CCDC33: variants seen among roughly 807,000 people sequenced by gnomAD.
CCDC33 encodes coiled-coil domain containing 33.
A neutral mutation model predicts 91.9 loss-of-function variants in CCDC33; 94 were observed. The ratio of observed to expected loss-of-function variants is 1.02; its 90% CI spans 0.87 to 1.21. CCDC33 has a LOEUF of 1.21. Among genes scored for constraint, CCDC33 ranks in the 50% most tolerant of loss-of-function variants. The pLI is 0.00. For missense variants in CCDC33, 940 were observed against 935.5 expected, an observed-to-expected ratio of 1.00 and a Z score of -0.06; for synonymous variants, 396 against 374.5, an observed-to-expected ratio of 1.06 and a Z score of -0.66.
intron 15 of CCDC33, among the ~76,000 whole-genome samples, chr15:74,331,543 C>T (rs2060439348): frequency 6.6e-6 from 1 of 152,162 alleles, no homozygotes; most frequent in African/African-American, 2.4e-5. Context: ...GCAGTGTGAG[C>T]CAGGCTAGAA....
chr15:74,214,381 C>T (rs2074394709), upstream of CCDC33, among the ~76,000 whole-genome samples: 1 of 152,114 alleles, frequency 6.6e-6, no homozygotes, highest in Non-Finnish European at 1.5e-5. Context: ...AGCCCACATC[C>T]CTTACCCCTT....
chr15:74,314,005 TGC>T (rs2060043293), intron 11 of CCDC33, among the ~76,000 whole-genome samples: 2 of 152,194 alleles, frequency 1.3e-5, no homozygotes, highest in African/African-American at 4.8e-5. Context: ...TGTTCCAGGC[TGC>T]TGCTCACCTC....
At position 74,315,254 on chromosome 15, in the gene CCDC33, C is replaced by A. The variant is rs187784367; in HGVS notation, c.1291-14935C>A. ...AGCAGCTAAGCATGGCTATCAACATCCTGCGTGCCCCACCCTGAGTTCAGC... is the reference window on the plus strand; with the variant it reads ...AGCAGCTAAGCATGGCTATCAACATACTGCGTGCCCCACCCTGAGTTCAGC... On this transcript the variant is annotated intron_variant, in intron 11 of 18. Transcript: ENST00000398814. Among the ~76,000 whole-genome samples, 3 of 152,306 alleles carry A rather than the reference C, an allele frequency of 2.0e-5. No homozygotes were observed. In the East Asian group the frequency reaches 5.8e-4, roughly 29 times the overall value.
chr15:74,272,789 G>T lies in CCDC33; in HGVS notation c.657G>T (p.Arg219Ser), dbSNP rs758852202. 3.1e-6 allele frequency: 5 copies of T among 1,614,020 alleles called. No homozygotes were observed. In the South Asian group the frequency reaches 3.3e-5, roughly 11 times the overall value. The change falls in exon 7 of 19, where the codon AGG (arginine) becomes AGT (serine). Residue 219 changes from arginine (R) to serine (S), a missense_variant. Transcript: ENST00000398814. ...TCCCCAGGGTCAGCCAGGCTAACAG[G>T]GACCTGGCCTCTGTGGGGCTGCCCA... Reference protein sequence around the residue: ...YKEFKVSQANRDLASVGLPIT... With the variant: ...YKEFKVSQANSDLASVGLPIT...
intron 1 of CCDC33, among the ~76,000 whole-genome samples, chr15:74,237,884 C>T (rs183302054): frequency 1.7e-4 from 26 of 152,294 alleles, no homozygotes; most frequent in African/African-American, 4.6e-4. Context: ...TGGTGGCTCA[C>T]GCCTGTAATC....
chr15:74,298,519 G>A (rs1404831207), intron 11 of CCDC33, among the ~76,000 whole-genome samples: 4 of 152,046 alleles, frequency 2.6e-5, no homozygotes, highest in African/African-American at 9.7e-5. Flanking sequence ...CCATTAGGAG[G>A]AAGTGTTTTT....
chr15:74,279,911 G>A, intron 7 of CCDC33, 52 bp from the exon 8 acceptor site: 1 of 1,585,732 alleles, frequency 6.3e-7, no homozygotes, highest in Admixed American at 1.9e-5. Flanking sequence ...TGTATGCCTT[G>A]ATTTGGGAGA....
At chr15:74,239,791 C>G (rs1321757414) in intron 1 of CCDC33, among the ~76,000 whole-genome samples, 3 of 151,634 alleles carry the variant, frequency 2.0e-5, no homozygotes, top group Non-Finnish European at 4.4e-5. Flanking sequence ...CAGGGCTCAC[C>G]ACACCCCTAC....
chr15:74,314,713 G>A (rs1567025740), intron 11 of CCDC33, among the ~76,000 whole-genome samples: 1 of 152,326 alleles, frequency 6.6e-6, no homozygotes, highest in East Asian at 1.9e-4. Context: ...GGTTAGGAGG[G>A]GTACAGTTCC....
upstream of CCDC33, among the ~76,000 whole-genome samples, chr15:74,235,088 G>A (rs1197552088): frequency 6.6e-6 from 1 of 152,176 alleles, no homozygotes; most frequent in Non-Finnish European, 1.5e-5. Flanking sequence ...GGGACATGTT[G>A]GCCCACAAGG....
At chr15:74,296,127 C>T (rs2059681662) in intron 11 of CCDC33, among the ~76,000 whole-genome samples, 179 bp downstream of exon 11, 1 of 152,244 alleles carries the variant, frequency 6.6e-6, no homozygotes, top group African/African-American at 2.4e-5. Context: ...GTGGCTTCTT[C>T]GTTTGCAGGG....
chr15:74,256,836 G>A (rs902350817), intron 2 of CCDC33, among the ~76,000 whole-genome samples: 1 of 152,240 alleles, frequency 6.6e-6, no homozygotes, highest in Non-Finnish European at 1.5e-5. Flanking sequence ...AAAGCTCTGT[G>A]GGCTGTGGCT....
At chr15:74,311,510 A>T (rs916594511) in intron 11 of CCDC33, 10 of 152,236 alleles carry the variant, frequency 6.6e-5, no homozygotes, top group African/African-American at 2.4e-4. Flanking sequence ...GCAGTTTAAC[A>T]AAGTTGGAGT....
intron 15 of CCDC33, among the ~76,000 whole-genome samples, chr15:74,332,358 C>A (rs1272552215): frequency 6.6e-6 from 1 of 151,936 alleles, no homozygotes; most frequent in African/African-American, 2.4e-5. Flanking sequence ...GAGAAGGCAA[C>A]CTAGGGAGGG....
chr15:74,331,725 C>T (rs2060443514), intron 15 of CCDC33, among the ~76,000 whole-genome samples: 1 of 152,216 alleles, frequency 6.6e-6, no homozygotes, highest in Admixed American at 6.5e-5. Context: ...AACAAAAATA[C>T]TTTGATTAAA....
Position 74,279,949 on chromosome 15 carries a change from C to A in CCDC33, c.760-14C>A. The A allele has an allele frequency of 6.2e-7, 1 of 1,613,066 alleles. No individual in the cohort carries two copies. The highest frequency in any genetic ancestry group is 1.1e-5 in the South Asian group (1 of 90,944). On this transcript the variant is annotated splice_polypyrimidine_tract_variant and intron_variant, in intron 7 of 18. Transcript: ENST00000398814. Reference sequence around the variant, plus strand: ...CTGTGGCCCCCACCACCTGCTCCTACCCTCTCCCTCCAGCTGTCCAAGCCT... The same window carrying A: ...CTGTGGCCCCCACCACCTGCTCCTAACCTCTCCCTCCAGCTGTCCAAGCCT...
At chr15:74,274,332 T>G (rs1400479107) in intron 7 of CCDC33, among the ~76,000 whole-genome samples, 1 of 152,192 alleles carries the variant, frequency 6.6e-6, no homozygotes, top group Non-Finnish European at 1.5e-5. Flanking sequence ...CTTCTCATGA[T>G]CTGCGCTTCA....
At chr15:74,209,570 C>T (rs918923242) in intron 2 of CCDC33, 3 of 790,638 alleles carry the variant, frequency 3.8e-6, no homozygotes, top group Non-Finnish European at 5.9e-6. Flanking sequence ...AAAAAGGCCC[C>T]CTCGGAGCTT....
chr15:74,257,839 G>A (rs1329583048), intron 2 of CCDC33, among the ~76,000 whole-genome samples: 1 of 152,230 alleles, frequency 6.6e-6, no homozygotes, highest in East Asian at 1.9e-4. Flanking sequence ...ATAAGACTGG[G>A]CTCCTGGATT....
Sources: gnomAD v4.1 joint callset for allele counts (sites outside exome capture counted in the v4.1 genomes callset) on GRCh38, gnomAD v4.1.1 for gene constraint, MANE v1.5 for transcripts, NCBI Gene and HGNC (gene_info 2026-07-23, HGNC 2026-07-21) for gene names.